Variants in KANSL1L observed in about 807,000 individuals in gnomAD.
KANSL1L encodes the protein KAT8 regulatory NSL complex subunit 1 like, also known as KAT8 regulatory NSL complex subunit 1-like protein.
In KANSL1L, 25 loss-of-function variants were observed where a neutral mutation model predicts 108.6. That is an observed-to-expected ratio of 0.23 (90% CI 0.17 to 0.32). The LOEUF (loss-of-function observed/expected upper bound fraction) is 0.32. Among genes scored for constraint, KANSL1L ranks in the 10% least tolerant of loss-of-function variants. The pLI is 1.00. For missense variants in KANSL1L, 1,137 were observed against 1,125.7 expected, an observed-to-expected ratio of 1.01 and a Z score of -0.14; for synonymous variants, 405 against 395.1, an observed-to-expected ratio of 1.03 and a Z score of -0.30.
At chr2:210,156,365 A>G (rs2095333184) in intron 1 of KANSL1L, among the ~76,000 whole-genome samples, 1 of 152,108 alleles carries the variant, frequency 6.6e-6, no homozygotes, top group African/African-American at 2.4e-5. Context: ...GTGTTTGTCA[A>G]ACACATTTTT....
chr2:210,072,642 A>G (rs1200581322), intron 6 of KANSL1L, among the ~76,000 whole-genome samples: 2 of 150,830 alleles, frequency 1.3e-5, no homozygotes, highest in Non-Finnish European at 2.9e-5. Context: ...ACAGTTCACA[A>G]TAGGGTTTGA....
At chr2:210,109,732 T>C (rs1416866079) in intron 3 of KANSL1L, among the ~76,000 whole-genome samples, 1 of 152,124 alleles carries the variant, frequency 6.6e-6, no homozygotes, top group Non-Finnish European at 1.5e-5. Flanking sequence ...TTCTTTCTAT[T>C]CACTGTTCTC....
At chr2:210,170,240 A>T in intron 1 of KANSL1L, 1 of 421,594 alleles carries the variant, frequency 2.4e-6, no homozygotes, top group Non-Finnish European at 3.2e-6. Flanking sequence ...AGATGAAGTT[A>T]AGCAAACTGG....
intron 5 of KANSL1L, among the ~76,000 whole-genome samples, chr2:210,085,880 GA>G (rs1206737557): frequency 6.7e-6 from 1 of 149,544 alleles, no homozygotes; most frequent in Non-Finnish European, 1.5e-5. Context: ...AGTTATAAAG[GA>G]AAAAGTAAAC....
chr2:210,079,646 A>ATGTG (rs1479483880), intron 5 of KANSL1L, among the ~76,000 whole-genome samples: 5 of 13,128 alleles, frequency 3.8e-4, no homozygotes, highest in African/African-American at 1.1e-3. Flanking sequence ...ATATATATAT[A>ATGTG]TATATATATA....
Position 210,022,939 on chromosome 2 carries a change from C to T in KANSL1L, c.*10G>A. 3 of 1,577,730 alleles carry T rather than the reference C, an allele frequency of 1.9e-6. No homozygotes were observed. Among genetic ancestry groups the T allele is most frequent in the Non-Finnish European group, 2.6e-6 (3 of 1,147,434 alleles). ...CCTACATTTACATAGTTTTCTTAACCTGTTCCCTGTCACCTATTTTTTTTA... is the reference window on the plus strand; with the variant it reads ...CCTACATTTACATAGTTTTCTTAACTTGTTCCCTGTCACCTATTTTTTTTA... On this transcript the variant is annotated 3_prime_UTR_variant, in exon 15 of 15. Transcript: ENST00000281772.
At chr2:210,107,517 A>T (rs1395683507) in intron 3 of KANSL1L, among the ~76,000 whole-genome samples, 1 of 141,230 alleles carries the variant, frequency 7.1e-6, no homozygotes, top group African/African-American at 2.7e-5. Context: ...CCTCAAAAAA[A>T]AAATATATAT....
chr2:210,136,089 G>A (rs2125570494), intron 2 of KANSL1L, among the ~76,000 whole-genome samples: 1 of 152,266 alleles, frequency 6.6e-6, no homozygotes, highest in South Asian at 2.1e-4. Context: ...ACTATCTGAG[G>A]TTGGAACTTA....
chr2:210,143,516 T>C (rs1284445005), intron 2 of KANSL1L, among the ~76,000 whole-genome samples: 1 of 152,136 alleles, frequency 6.6e-6, no homozygotes, highest in Non-Finnish European at 1.5e-5. Context: ...CGTTTTGTTT[T>C]TAATGCAGAT....
intron 5 of KANSL1L, among the ~76,000 whole-genome samples, chr2:210,080,531 T>TA (rs2094581261): frequency 6.6e-6 from 1 of 151,198 alleles, no homozygotes; most frequent in African/African-American, 2.4e-5. Flanking sequence ...TCTACAAAAA[T>TA]AAAAAATAAA....
At chr2:210,088,068 C>T (rs2094654802) in intron 5 of KANSL1L, among the ~76,000 whole-genome samples, 1 of 152,070 alleles carries the variant, frequency 6.6e-6, no homozygotes, top group Admixed American at 6.6e-5. Context: ...ATCCAAATGC[C>T]TGGCACACAG....
At chr2:210,087,434 G>C (rs1411910053) in intron 5 of KANSL1L, among the ~76,000 whole-genome samples, 1 of 152,056 alleles carries the variant, frequency 6.6e-6, no homozygotes, top group Admixed American at 6.6e-5. Context: ...CTAGTCCAGA[G>C]TCAAATTAGG....
intron 13 of KANSL1L, 84 bp downstream of exon 13, chr2:210,025,020 T>A (rs1221224695): frequency 1.7e-5 from 14 of 827,428 alleles, no homozygotes; most frequent in Non-Finnish European, 2.1e-5. Flanking sequence ...TTTTCCTTTT[T>A]ACTGGTCTCA....
intron 5 of KANSL1L, among the ~76,000 whole-genome samples, chr2:210,095,019 TTAAC>T (rs1192116703): frequency 6.6e-5 from 10 of 152,020 alleles, no homozygotes; most frequent in Non-Finnish European, 7.4e-5. Context: ...TCACCTCAGA[TTAAC>T]TAGTCTATAA....
chr2:210,035,520 C>CT (rs1178604913), intron 8 of KANSL1L, among the ~76,000 whole-genome samples: 1 of 152,204 alleles, frequency 6.6e-6, no homozygotes, highest in African/African-American at 2.4e-5. Flanking sequence ...CACTCTGTTA[C>CT]CCAGGCTGGA....
At chr2:210,141,818 T>C (rs952985522) in intron 2 of KANSL1L, among the ~76,000 whole-genome samples, 2 of 152,212 alleles carry the variant, frequency 1.3e-5, no homozygotes, top group Non-Finnish European at 2.9e-5. Flanking sequence ...GAATGTTTTT[T>C]GTCCTTCATT....
intron 2 of KANSL1L, among the ~76,000 whole-genome samples, chr2:210,131,701 TA>T: frequency 6.6e-6 from 1 of 151,426 alleles, no homozygotes; most frequent in East Asian, 1.9e-4. Context: ...ATATATGAAA[TA>T]AATTTTCTTT....
intron 3 of KANSL1L, among the ~76,000 whole-genome samples, chr2:210,115,810 A>G (rs1331173913): frequency 6.6e-6 from 1 of 152,150 alleles, no homozygotes. Flanking sequence ...CTACCCCCAA[A>G]TCTATTCTAA....
Position 210,104,988 on chromosome 2 carries a change from G to A in KANSL1L, c.1231-687C>T, listed in dbSNP as rs573990943. 3.3e-5 allele frequency among the ~76,000 whole-genome samples: 5 copies of A among 152,240 alleles called. No homozygotes were observed. The South Asian group carries it at 6.2e-4, about 19-fold the overall frequency. ...AACTGGGGGAATGAATAGGGATCAA[G>A]TTGTCTCTGTACTCTCTGCCTCCTA... On this transcript the variant is annotated intron_variant, in intron 3 of 14. Coordinates refer to ENST00000281772, the MANE Select transcript of KANSL1L (RefSeq NM_152519.4).
Sources: gnomAD v4.1 joint callset for allele counts (sites outside exome capture counted in the v4.1 genomes callset) on GRCh38, gnomAD v4.1.1 for gene constraint, MANE v1.5 for transcripts, NCBI Gene and HGNC (gene_info 2026-07-23, HGNC 2026-07-21) for gene names.